The following IGSF22 variants were observed in gnomAD, a reference collection of about 807,000 sequenced individuals.
IGSF22 encodes the protein immunoglobulin superfamily, member 22.
Under a neutral mutation model 127.0 loss-of-function variants are expected in IGSF22, and 119 were observed. The ratio of observed to expected loss-of-function variants is 0.94; its 90% CI spans 0.81 to 1.09. IGSF22 has a LOEUF of 1.09. Among genes scored for constraint, IGSF22 ranks in the 50% least tolerant of loss-of-function variants. The pLI, the probability that IGSF22 is intolerant of heterozygous loss-of-function variation, is 0.00. For missense variants in IGSF22, 1,518 were observed against 1,716.6 expected (o/e 0.88, Z 2.04); for synonymous variants, 568 against 664.7 (o/e 0.85, Z 2.24).
At chr11:18,725,464 A>G (rs938790458) in intron 1 of IGSF22, among the ~76,000 whole-genome samples, 13 of 151,630 alleles carry the variant, frequency 8.6e-5, no homozygotes, top group African/African-American at 2.9e-4. Flanking sequence ...TTTTTGAGAC[A>G]GAGTCTTGCT....
rs749472659 is a variant in IGSF22 at position 18,718,054 on chromosome 11, A to T, written c.850T>A (p.Tyr284Asn). Residue 284 changes from tyrosine (Y) to asparagine (N), a missense_variant, in exon 9 of 23, where the codon TAC (tyrosine) becomes AAC (asparagine). Tyr to Asn is a moderately radical substitution (Grantham distance 143). Coordinates refer to ENST00000513874, the MANE Select transcript of IGSF22 (RefSeq NM_173588.4). The part of the protein sequence containing the change: ...PLRIQYSLGK[Y>N]DVKQMGTKYM... ...TTGGTGCCCATCTGCTTCACATCGTACTTGCCCAGGGAGTACTGGATCCTC... is the reference window on the plus strand; with the variant it reads ...TTGGTGCCCATCTGCTTCACATCGTTCTTGCCCAGGGAGTACTGGATCCTC... 6.2e-7 allele frequency: 1 copy of T among 1,614,204 alleles called. No homozygotes were observed. Among genetic ancestry groups the T allele is most frequent in the South Asian group, 1.1e-5 (1 of 91,084 alleles).
intron 7 of IGSF22, 83 bp downstream of exon 7, chr11:18,719,633 T>C: frequency 7.2e-7 from 1 of 1,390,740 alleles, no homozygotes; most frequent in Non-Finnish European, 9.9e-7. Context: ...GAGACCTTCT[T>C]GCTGAGAAAT....
intron 2 of IGSF22, 107 bp from the exon 3 acceptor site, chr11:18,722,148 AT>A: frequency 1.5e-6 from 2 of 1,371,714 alleles, no homozygotes; most frequent in Non-Finnish European, 2.0e-6. Context: ...AACAAAGAGC[AT>A]TTAGGGAAGT....
intron 10 of IGSF22, 132 bp from the exon 11 acceptor site, chr11:18,715,848 G>T: frequency 2.0e-6 from 2 of 999,594 alleles, no homozygotes; most frequent in South Asian, 1.6e-5. Flanking sequence ...ATGTGTTTGT[G>T]TGTAATATGT....
At position 18,710,442 on chromosome 11, in the gene IGSF22, A is replaced by G. The variant is rs1289290519; in HGVS notation, c.2586T>C (p.Thr862=). The change falls in exon 17 of 23, where the codon ACT becomes ACC. Residue 862 remains threonine, a synonymous_variant. Coordinates refer to ENST00000513874, the MANE Select transcript of IGSF22 (RefSeq NM_173588.4). ...CTGTGTCCTCCAGGAGACCATCCAC[A>G]GTGCACTTGGTGCCTGAAATGGGAA... ...NKDPIQGTKC[T]VDGLLEDTEY... 1.2e-6 allele frequency: 2 copies of G among 1,614,066 alleles called. No homozygotes were observed. Among genetic ancestry groups the G allele is most frequent in the Non-Finnish European group, 1.7e-6 (2 of 1,180,050 alleles).
intron 1 of IGSF22, 114 bp from the exon 2 acceptor site, chr11:18,724,383 G>A: frequency 1.7e-6 from 1 of 580,810 alleles, no homozygotes; most frequent in East Asian, 2.8e-5. Flanking sequence ...GAGAGGGCCA[G>A]GAGAGCAGTC....
chr11:18,715,710 G>C lies in IGSF22; in HGVS notation c.1253C>G (p.Pro418Arg), dbSNP rs758818664. 1 of 1,609,700 alleles carries C rather than the reference G, an allele frequency of 6.2e-7. No homozygotes were observed. Among genetic ancestry groups the C allele is most frequent in the East Asian group, 2.2e-5 (1 of 44,832 alleles). ...QKAQLTVDRI[P>R]IKFVSNLKNV... ...TTTGAGGTTGCTCACAAACTTGATG[G>C]GGATGCCTGTGGACAGACAGACACT... Residue 418 changes from proline (P) to arginine (R), a missense_variant, in exon 11 of 23, where the codon CCC becomes CGC. Coordinates refer to ENST00000513874, the MANE Select transcript of IGSF22 (RefSeq NM_173588.4).
intron 1 of IGSF22, among the ~76,000 whole-genome samples, chr11:18,724,757 T>C (rs1049281785): frequency 9.2e-5 from 14 of 152,216 alleles, no homozygotes; most frequent in Non-Finnish European, 1.8e-4. Flanking sequence ...AAAACATCAC[T>C]ACAATTCTGC....
rs767095061 is a variant in IGSF22 at position 18,724,109 on chromosome 11, C to T, written c.109+19G>A. ...ATAGCTGCCCTTCCCGATCCCTTCC[C>T]TGCCCCCATTCCACTTGCCTCCCAC... On this transcript the variant is annotated intron_variant, in intron 2 of 22. Coordinates refer to ENST00000513874, the MANE Select transcript of IGSF22 (RefSeq NM_173588.4). 12 of 1,593,974 alleles carry T rather than the reference C, an allele frequency of 7.5e-6. No individual in the cohort carries two copies. Among genetic ancestry groups the T allele is most frequent in the Non-Finnish European group, 1.0e-5 (12 of 1,162,596 alleles).
intron 22 of IGSF22, among the ~76,000 whole-genome samples, chr11:18,705,245 A>G (rs1848200984): frequency 6.6e-6 from 1 of 152,182 alleles, no homozygotes; most frequent in African/African-American, 2.4e-5. Flanking sequence ...CCAGCTTTGC[A>G]TTTAGAGTTC....
In IGSF22 at chr11:18,721,633, C is replaced by T. The variant is rs10832975; in HGVS notation, c.280G>A (p.Ala94Thr). The T allele has an allele frequency of 1.2e-6, 2 of 1,614,006 alleles. No individual in the cohort carries two copies. The highest frequency in any genetic ancestry group is 1.3e-5 in the African/African-American group (1 of 74,914). Residue 94 changes from alanine (A) to threonine (T), a missense_variant, in exon 4 of 23, where the codon GCC becomes ACC. Physicochemically the swap from Ala to Thr is moderately conservative, Grantham distance 58 (BLOSUM62 0). Around this residue, in one of 3 missense-constraint regions of IGSF22, gnomAD observed 1,456 missense variants for 1,644.9 expected, o/e 0.89. Coordinates refer to ENST00000513874, the MANE Select transcript of IGSF22 (RefSeq NM_173588.4). ...AVFRARVQGN[A>T]KPHISWKRES... is the part of the protein sequence containing the mutation. The stretch of plus-strand genomic sequence containing the variant: ...CTCTTCCAGGAGATGTGGGGTTTGG[C>T]GTTCCCCTGCACCCGGGCTCGGAAC...
chr11:18,707,103 T>C lies in IGSF22; in HGVS notation c.3391A>G (p.Ile1131Val), dbSNP rs2289965. 0.36 allele frequency: 553,982 copies of C among 1,551,224 alleles called. 105,711 individuals are homozygous for C. Among genetic ancestry groups the C allele is most frequent in the Non-Finnish European group, 0.39 (448,267 of 1,146,722 alleles). The change falls in exon 21 of 23, where the codon ATC becomes GTC. Residue 1131 changes from isoleucine (I) to valine (V), a missense_variant. Ile to Val is a conservative substitution (Grantham distance 29). This residue lies in a region of IGSF22 where 1,456 missense variants were observed against 1,644.9 expected (regional missense o/e 0.89). Coordinates refer to ENST00000513874, the MANE Select transcript of IGSF22 (RefSeq NM_173588.4). ...DVQEDGEAHY[I>V]IMKRDASTAT... ...GTGCTTGCATCCCGCTTCATGATGA[T>C]GTAGTGAGCCTCACCGTCCTCCTGC...
chr11:18,714,362 G>A lies in IGSF22; in HGVS notation c.1713C>T (p.Ile571=), dbSNP rs373063001. 6.2e-7 allele frequency: 1 copy of A among 1,614,268 alleles called. No individual in the cohort carries two copies. The highest frequency in any genetic ancestry group is 1.3e-5 in the African/African-American group (1 of 75,072). Residue 571 remains isoleucine, a synonymous_variant, in exon 13 of 23, where the codon ATC becomes ATT. Coordinates refer to ENST00000513874, the MANE Select transcript of IGSF22 (RefSeq NM_173588.4). Reference sequence around the variant, plus strand: ...CGTGCTCAGGGCCCATACTGGGAAAGATGAGCTTGTGCACTGCACCCTGCT... The same window carrying A: ...CGTGCTCAGGGCCCATACTGGGAAAAATGAGCTTGTGCACTGCACCCTGCT... ...IVKQGAVHKL[I]FPSMGPEHEG...
chr11:18,706,888 A>G, intron 21 of IGSF22, 26 bp downstream of exon 21: 1 of 1,467,294 alleles, frequency 6.8e-7, no homozygotes, highest in South Asian at 1.4e-5. Flanking sequence ...CCCAGACTTA[A>G]CCCTAACTGC....
chr11:18,712,097 C>T lies in IGSF22; in HGVS notation c.2383G>A (p.Ala795Thr), dbSNP rs903336013. 1.9e-6 allele frequency: 3 copies of T among 1,550,414 alleles called. No individual in the cohort carries two copies. Among genetic ancestry groups the T allele is most frequent in the African/African-American group, 1.4e-5 (1 of 73,046 alleles). The change falls in exon 15 of 23, where the codon GCA becomes ACA. Residue 795 changes from alanine to threonine, a missense_variant. Transcript: ENST00000513874. ...TCTCACTGACCTATGGGATTTCCTG[C>T]AAACACTTCTTCTGTCTCCAGTGGG... The part of the protein sequence containing the change: ...SDPLETEEVF[A>T]GNPIEPPGFA...
intron 7 of IGSF22, 37 bp downstream of exon 7, chr11:18,719,679 C>T (rs528590349): frequency 9.4e-6 from 15 of 1,601,032 alleles, no homozygotes; most frequent in South Asian, 3.4e-5. Flanking sequence ...AGCCCTGCCC[C>T]TAGCCTGCAG....
Position 18,707,928 on chromosome 11 carries a change from G to A in IGSF22, c.3156C>T (p.Thr1052=), listed in dbSNP as rs1428497809. The change falls in exon 20 of 23, where the codon ACC becomes ACT. Residue 1052 remains threonine, a synonymous_variant. Transcript: ENST00000513874. ...GVPTKGRETI[T]KSKNHSQFLI... is the part of the protein sequence containing the mutation. ...GGAACTGGGAGTGGTTTTTGCTCTT[G>A]GTAATTGTCTCTCGGCCCTTGGTGG... 6.2e-7 allele frequency: 1 copy of A among 1,614,216 alleles called. No homozygotes were observed. The highest frequency in any genetic ancestry group is 8.5e-7 in the Non-Finnish European group (1 of 1,180,034).
At chr11:18,711,074 C>T (rs554084077) in intron 15 of IGSF22, among the ~76,000 whole-genome samples, 10 of 152,128 alleles carry the variant, frequency 6.6e-5, no homozygotes, top group African/African-American at 2.2e-4. Context: ...CAGTGCCTGG[C>T]ACAAATGATT....
intron 22 of IGSF22, chr11:18,704,836 G>T: frequency 2.9e-6 from 1 of 346,244 alleles, no homozygotes; most frequent in Admixed American, 3.9e-5. Flanking sequence ...GGCAGAGCCA[G>T]GGCCCTGGGC....
Sources: gnomAD v4.1 joint callset for allele counts (sites outside exome capture counted in the v4.1 genomes callset) on GRCh38, gnomAD v4.1.1 for gene constraint, gnomAD v4.1.1 regional missense constraint, MANE v1.5 for transcripts, NCBI Gene and HGNC (gene_info 2026-07-23, HGNC 2026-07-21) for gene names.